The following EPHB2 variants were observed in gnomAD, a reference collection of about 807,000 sequenced individuals.
EPHB2 encodes the protein ephrin type-B receptor 2.
A neutral mutation model predicts 96.4 loss-of-function variants in EPHB2; 18 were observed. The observed-to-expected ratio is 0.19, with a 90% CI of 0.13 to 0.28. The LOEUF is 0.28. Ranked by LOEUF, EPHB2 falls within the 10% of genes least tolerant of loss-of-function variation. The pLI, the probability that EPHB2 is intolerant of heterozygous loss-of-function variation, is 1.00. For missense variants in EPHB2, 989 were observed against 1,355.4 expected (o/e 0.73, Z 4.25); for synonymous variants, 506 against 534.1 (o/e 0.95, Z 0.72).
chr1:22,728,638 T>C (rs1001717340), intron 1 of EPHB2, among the ~76,000 whole-genome samples: 1 of 152,224 alleles, frequency 6.6e-6, no homozygotes, highest in South Asian at 2.1e-4. Context: ...CCTGGAAGGT[T>C]CCAGGGCTGG....
rs756230281 is a variant in EPHB2, at chr1:22,865,029, C to T, written c.1120C>T (p.Arg374Cys). Residue 374 changes from arginine (R) to cysteine (C), a missense_variant, in exon 5 of 16, where the codon CGC becomes TGC. Arg to Cys is a radical substitution (Grantham distance 180). Transcript: ENST00000374630. ...SCGSGRGACT[R>C]CGDNVQYAPR... ...TGGCTCGGGCCGGGGTGCCTGCACC[C>T]GCTGCGGGGACAATGTACAGTACGC... 6.2e-7 allele frequency: 1 copy of T among 1,613,170 alleles called. No homozygotes were observed. The highest frequency in any genetic ancestry group is 8.5e-7 in the Non-Finnish European group (1 of 1,179,274).
At chr1:22,874,637 AG>A (rs1343969700) in intron 5 of EPHB2, among the ~76,000 whole-genome samples, 1 of 152,066 alleles carries the variant, frequency 6.6e-6, no homozygotes, top group East Asian at 1.9e-4. Context: ...GTAAAAAGGG[AG>A]GGATTAACCC....
intron 1 of EPHB2, among the ~76,000 whole-genome samples, chr1:22,754,609 C>T (rs539426929): frequency 6.6e-6 from 1 of 151,010 alleles, no homozygotes; most frequent in African/African-American, 2.4e-5. Flanking sequence ...AGCTGGGGCT[C>T]GATCCCCCAG....
chr1:22,752,823 G>A lies in EPHB2; in HGVS notation c.62-28598G>A, dbSNP rs140651614. On this transcript the variant is annotated intron_variant, in intron 1 of 15. Transcript: ENST00000374630. ...TTTTGAATTGGAGTCTTGCTCTGTC[G>A]CCCCGGCTGGAGTGCAGTGGTATAG... Among the ~76,000 whole-genome samples the A allele has an allele frequency of 9.5e-4, 145 of 152,068 alleles. 2 individuals carry two copies. The East Asian group carries it at 0.027, about 28-fold the overall frequency.
At chr1:22,886,806 A>G (rs1287725385) in intron 6 of EPHB2, among the ~76,000 whole-genome samples, 2 of 151,972 alleles carry the variant, frequency 1.3e-5, no homozygotes, top group East Asian at 3.9e-4. Flanking sequence ...TTGTATTTTA[A>G]GTAGAGACGG....
At chr1:22,837,689 C>T (rs879434971) in intron 3 of EPHB2, among the ~76,000 whole-genome samples, 2 of 152,232 alleles carry the variant, frequency 1.3e-5, no homozygotes, top group Non-Finnish European at 2.9e-5. Context: ...ACCAGTCCTT[C>T]CCATTCAGCT....
intron 1 of EPHB2, among the ~76,000 whole-genome samples, chr1:22,775,886 G>T (rs1644444486): frequency 6.6e-6 from 1 of 152,218 alleles, no homozygotes; most frequent in African/African-American, 2.4e-5. Context: ...TATCCATTGG[G>T]ATTCTTTTAA....
chr1:22,783,148 G>A (rs1248586888), intron 2 of EPHB2, among the ~76,000 whole-genome samples: 1 of 152,220 alleles, frequency 6.6e-6, no homozygotes, highest in African/African-American at 2.4e-5. Context: ...AGGCAGCACA[G>A]GCAACCACAC....
chr1:22,911,100 A>G (rs111754139), intron 14 of EPHB2, among the ~76,000 whole-genome samples: 2,409 of 152,044 alleles, frequency 0.016, 58 homozygotes, highest in African/African-American at 0.056. Flanking sequence ...AGATCGTGCC[A>G]CTGCACTCCA....
intron 3 of EPHB2, chr1:22,836,052 G>A (rs962247067): frequency 3.3e-5 from 5 of 151,750 alleles, no homozygotes; most frequent in African/African-American, 1.2e-4. Context: ...AATTCAGCTC[G>A]TACTCGGCCT....
At chr1:22,762,383 C>CT (rs1644247609) in intron 1 of EPHB2, among the ~76,000 whole-genome samples, 1 of 152,198 alleles carries the variant, frequency 6.6e-6, no homozygotes, top group African/African-American at 2.4e-5. Flanking sequence ...CAGGGACACC[C>CT]TGTGGCAGAA....
At chr1:22,792,205 G>A (rs12026627) in intron 3 of EPHB2, among the ~76,000 whole-genome samples, 19,316 of 151,104 alleles carry the variant, frequency 0.13, 1,842 homozygotes, top group East Asian at 0.55. Flanking sequence ...CGGGGGTGGG[G>A]TGCGGTCAAT....
At chr1:22,804,061 G>A (rs578202974) in intron 3 of EPHB2, among the ~76,000 whole-genome samples, 21 of 152,150 alleles carry the variant, frequency 1.4e-4, no homozygotes, top group East Asian at 3.8e-4. Context: ...TGCCCACCCC[G>A]TCTTACAAGT....
chr1:22,844,873 T>C (rs1242256912), intron 3 of EPHB2, among the ~76,000 whole-genome samples: 1 of 152,172 alleles, frequency 6.6e-6, no homozygotes, highest in East Asian at 1.9e-4. Flanking sequence ...CTGAAGGCCT[T>C]TGGCAGCTCC....
In EPHB2 at chr1:22,785,020, G is replaced by T. The variant is rs1192558361; in HGVS notation, c.755G>T (p.Gly252Val). Residue 252 changes from glycine to valine, a missense_variant, in exon 3 of 16, where the codon GGG (glycine) becomes GTG (valine). Physicochemically the swap from Gly to Val is moderately radical, Grantham distance 109 (BLOSUM62 -3). Coordinates refer to ENST00000374630, the MANE Select transcript of EPHB2 (RefSeq NM_017449.5). ...GACGGCGAGTGGCTGGTGCCCATCGGGCGCTGCATGTGCAAAGCAGGCTTC... is the reference window on the plus strand; with the variant it reads ...GACGGCGAGTGGCTGGTGCCCATCGTGCGCTGCATGTGCAAAGCAGGCTTC... ...NGDGEWLVPIGRCMCKAGFEA... is the reference protein window; with the variant it reads ...NGDGEWLVPIVRCMCKAGFEA... 1 of 1,613,688 alleles carries T rather than the reference G, an allele frequency of 6.2e-7. No homozygotes were observed. Among genetic ancestry groups the T allele is most frequent in the Non-Finnish European group, 8.5e-7 (1 of 1,180,040 alleles).
rs545189856 is a variant in EPHB2, at chr1:22,913,209, G to A, written c.2853-253G>A. The A allele has an allele frequency of 5.3e-6, 3 of 566,576 alleles. No individual in the cohort carries two copies. Among genetic ancestry groups the A allele is most frequent in the East Asian group, 6.0e-5 (2 of 33,196 alleles). 35.1% of individuals were successfully genotyped at this position (566,576 alleles called of 1,614,324 possible). On this transcript the variant is annotated intron_variant, in intron 15 of 15. Transcript: ENST00000374630. This position sits in a 1 kb window ranked among gnomAD's most constrained non-coding sequence, Gnocchi z 4.1. Reference sequence around the variant, plus strand: ...CTCTGTCTCGAAAAAGAAAGAAAATGTAAGCTGGCTTCCCCCTCCCAATAG... The same window carrying A: ...CTCTGTCTCGAAAAAGAAAGAAAATATAAGCTGGCTTCCCCCTCCCAATAG...
At chr1:22,783,043 G>A (rs1644557442) in intron 2 of EPHB2, among the ~76,000 whole-genome samples, 1 of 152,222 alleles carries the variant, frequency 6.6e-6, no homozygotes, top group Non-Finnish European at 1.5e-5. Flanking sequence ...AGGCCCAGGA[G>A]GGAGAAATGA....
rs572234770 is a variant in EPHB2 at position 22,754,722 on chromosome 1, C to T, written c.62-26699C>T. On this transcript the variant is annotated intron_variant, in intron 1 of 15. Transcript: ENST00000374630. Reference sequence around the variant, plus strand: ...GCCTCCCCTACACGTGTCTGTGTGCCGTGTGTCAGGAGGCAGAGGCTCTTG... The same window carrying T: ...GCCTCCCCTACACGTGTCTGTGTGCTGTGTGTCAGGAGGCAGAGGCTCTTG... Among the ~76,000 whole-genome samples the T allele has an allele frequency of 6.9e-5, 9 of 131,232 alleles. No homozygotes were observed. In the South Asian group the frequency reaches 7.8e-4, roughly 11 times the overall value. The allele number at this position is 131,232 out of a possible 152,430, so 86.1% of individuals were successfully genotyped here. A position where few individuals can be genotyped will look rare whatever the true frequency, so the allele number is the denominator to read the frequency against.
At chr1:22,842,644 TG>T (rs1645486227) in intron 3 of EPHB2, among the ~76,000 whole-genome samples, 1 of 152,184 alleles carries the variant, frequency 6.6e-6, no homozygotes, top group Non-Finnish European at 1.5e-5. Context: ...TCTGTGGCCA[TG>T]GGGCCCACAG....
Sources: gnomAD v4.1 joint callset for allele counts (sites outside exome capture counted in the v4.1 genomes callset) on GRCh38, gnomAD v4.1.1 for gene constraint, Gnocchi (gnomAD v3.1) non-coding constraint, MANE v1.5 for transcripts, NCBI Gene and HGNC (gene_info 2026-07-23, HGNC 2026-07-21) for gene names.